BRSK1: variants seen among roughly 807,000 people sequenced by gnomAD.
BRSK1 encodes the protein BR serine/threonine kinase 1.
A neutral mutation model predicts 86.2 loss-of-function variants in BRSK1; 17 were observed. The observed-to-expected ratio is 0.20, with a 90% CI of 0.14 to 0.30. The LOEUF (loss-of-function observed/expected upper bound fraction) is 0.30, where lower values mean the gene tolerates loss of function less well. Ranked by LOEUF, BRSK1 falls within the 10% of genes least tolerant of loss-of-function variation. The probability of loss-of-function intolerance (pLI) is 1.00; values close to 1 mark genes in which losing one functional copy is unlikely to be tolerated. For missense variants in BRSK1, 719 were observed against 1,071.9 expected, an observed-to-expected ratio of 0.67 and a Z score of 4.60; for synonymous variants, 464 against 440.1, an observed-to-expected ratio of 1.05 and a Z score of -0.68.
At chr19:55,308,537 G>T (rs1257749927) in intron 17 of BRSK1, 102 bp from the exon 18 acceptor site, 10 of 792,944 alleles carry the variant, frequency 1.3e-5, no homozygotes, top group Non-Finnish European at 1.8e-5. Context: ...GATGCAGGGG[G>T]GGTGTTGTGT....
At chr19:55,311,369 C>G (rs1226029087) in intron 18 of BRSK1, among the ~76,000 whole-genome samples, 2 of 152,158 alleles carry the variant, frequency 1.3e-5, no homozygotes, top group Admixed American at 1.3e-4. Context: ...AGTGTTTCCA[C>G]CTCAGTCCCC....
intron 7 of BRSK1, among the ~76,000 whole-genome samples, chr19:55,296,643 G>A (rs1279764332): frequency 2.6e-5 from 4 of 152,130 alleles, no homozygotes; most frequent in Non-Finnish European, 2.9e-5. Flanking sequence ...TCAGGAAATC[G>A]AGACCGTCCT....
Position 55,302,139 on chromosome 19 carries a change from G to T in BRSK1, c.828G>T (p.Leu276=). Reference sequence around the variant, plus strand: ...TCTACGACTCACCACCCTCACAGCTGGAGCAAATTCAGAAACATCCTTGGT... The same window carrying T: ...TCTACGACTCACCACCCTCACAGCTTGAGCAAATTCAGAAACATCCTTGGT... The part of the protein sequence containing the change: ...IEVEPEKRLS[L]EQIQKHPWYL... Residue 276 remains leucine (L), a splice_region_variant and synonymous_variant, in exon 9 of 19, where the codon CTG becomes CTT. Coordinates refer to ENST00000309383, the MANE Select transcript of BRSK1 (RefSeq NM_032430.2). This position sits in a 1 kb window ranked among gnomAD's most constrained non-coding sequence, Gnocchi z 6.3. 1 of 1,614,170 alleles carries T rather than the reference G, an allele frequency of 6.2e-7. No homozygotes were observed.
chr19:55,288,846 A>G (rs539960081), intron 3 of BRSK1, among the ~76,000 whole-genome samples: 1 of 152,052 alleles, frequency 6.6e-6, no homozygotes, highest in African/African-American at 2.4e-5. Flanking sequence ...CGGCCTCCCA[A>G]AGTGCTGGGA....
chr19:55,305,288 T>G (rs1206335348), intron 14 of BRSK1, 33 bp from the exon 15 acceptor site: 1 of 1,612,734 alleles, frequency 6.2e-7, no homozygotes, highest in Non-Finnish European at 8.5e-7. Context: ...GATGCACAGG[T>G]GTTGACCACG....
rs531758783 is a variant in BRSK1, at chr19:55,302,950, G to A, written c.1028+83G>A. 4.6e-3 allele frequency: 7,022 copies of A among 1,515,870 alleles called. 22 individuals are homozygous for A. The highest frequency in any genetic ancestry group is 5.7e-3 in the Non-Finnish European group (6,413 of 1,124,348). The allele number at this position is 1,515,870 out of a possible 1,614,324, so 93.9% of individuals were successfully genotyped here. On this transcript the variant is annotated intron_variant, in intron 10 of 18. Coordinates refer to ENST00000309383, the MANE Select transcript of BRSK1 (RefSeq NM_032430.2). This position sits in a 1 kb window ranked among gnomAD's most constrained non-coding sequence, Gnocchi z 6.3. The stretch of plus-strand genomic sequence containing the variant: ...CCTGCGCACATGCAGAGTGCTGGGC[G>A]AGGAACCCTGGCCTCTCATGGGGCA...
chr19:55,307,373 A>G (rs2088667877), intron 17 of BRSK1, among the ~76,000 whole-genome samples: 1 of 151,936 alleles, frequency 6.6e-6, no homozygotes, highest in African/African-American at 2.4e-5. Flanking sequence ...AACATGGTGA[A>G]ACCTGTCTCT....
At position 55,306,113 on chromosome 19, in the gene BRSK1, G is replaced by A. The variant is rs1232528224; in HGVS notation, c.1891-139G>A. On this transcript the variant is annotated intron_variant, in intron 16 of 18. Transcript: ENST00000309383. The surrounding 1 kb of genome is among the most constrained non-coding windows in gnomAD (Gnocchi z 4.7). ...AGAAAGCTACAAGTCCTTGCAGGCAGTGGGGCCTCCCAATGCATTTCCTGT... is the reference window on the plus strand; with the variant it reads ...AGAAAGCTACAAGTCCTTGCAGGCAATGGGGCCTCCCAATGCATTTCCTGT... 2 of 786,126 alleles carry A rather than the reference G, an allele frequency of 2.5e-6. No individual in the cohort carries two copies. Among genetic ancestry groups the A allele is most frequent in the African/African-American group, 1.7e-5 (1 of 57,892 alleles). 48.7% of individuals were successfully genotyped at this position (786,126 alleles called of 1,614,324 possible).
chr19:55,312,095 C>G lies in BRSK1; in HGVS notation c.*27C>G. 2.9e-6 allele frequency: 3 copies of G among 1,039,062 alleles called. No individual in the cohort carries two copies. The highest frequency in any genetic ancestry group is 4.0e-6 in the Non-Finnish European group (3 of 741,184). The allele number at this position is 1,039,062 out of a possible 1,614,324, so 64.4% of individuals were successfully genotyped here. A position where few individuals can be genotyped will look rare whatever the true frequency, so the allele number is the denominator to read the frequency against. Reference sequence around the variant, plus strand: ...CCCACGGGGCCGGGGAGGGAGGGGACCCCCCTCCACCCCCCTTCCGTGCCC... The same window carrying G: ...CCCACGGGGCCGGGGAGGGAGGGGAGCCCCCTCCACCCCCCTTCCGTGCCC... On this transcript the variant is annotated 3_prime_UTR_variant, in exon 19 of 19. Transcript: ENST00000309383.
At chr19:55,309,560 G>A (rs2088734581) in intron 18 of BRSK1, among the ~76,000 whole-genome samples, 2 of 152,212 alleles carry the variant, frequency 1.3e-5, no homozygotes, top group Non-Finnish European at 2.9e-5. Context: ...ACAGCACGTT[G>A]GTGCTGTGTC....
At position 55,302,064 on chromosome 19, in the gene BRSK1, CCA is replaced by C; in HGVS notation, c.826-72_826-71del. ...GATGATCAGGGACCCCAAAACCACC[CCA>C]GTCTTTCATTGCGCGCCTACATGTG... On this transcript the variant is annotated intron_variant, in intron 8 of 18. Coordinates refer to ENST00000309383, the MANE Select transcript of BRSK1 (RefSeq NM_032430.2). This position sits in a 1 kb window ranked among gnomAD's most constrained non-coding sequence, Gnocchi z 6.3. 3.8e-6 allele frequency: 6 copies of C among 1,567,818 alleles called. No homozygotes were observed. Among genetic ancestry groups the C allele is most frequent in the East Asian group, 2.2e-5 (1 of 44,630 alleles).
Position 55,302,919 on chromosome 19 carries a change from C to A in BRSK1, c.1028+52C>A. 1 of 1,579,072 alleles carries A rather than the reference C, an allele frequency of 6.3e-7. No individual in the cohort carries two copies. The highest frequency in any genetic ancestry group is 8.6e-7 in the Non-Finnish European group (1 of 1,157,292). On this transcript the variant is annotated intron_variant, in intron 10 of 18. Coordinates refer to ENST00000309383, the MANE Select transcript of BRSK1 (RefSeq NM_032430.2). The surrounding 1 kb of genome is among the most constrained non-coding windows in gnomAD (Gnocchi z 6.3). Reference sequence around the variant, plus strand: ...TGTACCCACGTGGGGCGAGCTGCAGCAGCTCCCTGCGCACATGCAGAGTGC... The same window carrying A: ...TGTACCCACGTGGGGCGAGCTGCAGAAGCTCCCTGCGCACATGCAGAGTGC...
At chr19:55,308,894 G>A (rs2123002014) in intron 18 of BRSK1, among the ~76,000 whole-genome samples, 166 bp downstream of exon 18, 1 of 152,088 alleles carries the variant, frequency 6.6e-6, no homozygotes, top group South Asian at 2.1e-4. Context: ...TTGGTTTGCA[G>A]AGGACGCCCA....
intron 17 of BRSK1, among the ~76,000 whole-genome samples, chr19:55,307,065 T>C (rs1019701576): frequency 6.6e-6 from 1 of 152,226 alleles, no homozygotes; most frequent in Admixed American, 6.5e-5. Context: ...CTTCCAGTTC[T>C]GCTTTCTGTT....
In BRSK1 at chr19:55,304,799, G is replaced by A. The variant is rs776591353; in HGVS notation, c.1596G>A (p.Pro532=). 8 of 1,569,888 alleles carry A rather than the reference G, an allele frequency of 5.1e-6. No individual in the cohort carries two copies. The highest frequency in any genetic ancestry group is 6.9e-6 in the Non-Finnish European group (8 of 1,161,862). The part of the protein sequence containing the change: ...HTPRASPTGT[P]GTTPPPSPGG... The stretch of plus-strand genomic sequence containing the variant: ...CCCGGGCCAGTCCCACCGGGACCCC[G>A]GGGACAACACCACCCCCCAGCCCCG... Residue 532 remains proline (P), a synonymous_variant, in exon 14 of 19, where the codon CCG becomes CCA. Coordinates refer to ENST00000309383, the MANE Select transcript of BRSK1 (RefSeq NM_032430.2). The surrounding 1 kb of genome is among the most constrained non-coding windows in gnomAD (Gnocchi z 5.2).
In BRSK1 at chr19:55,284,305, C is replaced by T; in HGVS notation, c.-138C>T. ...CGCCGACTGGGGGGGGCCAGCCCAGCCCCCTGGGGACCCCCGGAGAGGTGG... is the reference window on the plus strand; with the variant it reads ...CGCCGACTGGGGGGGGCCAGCCCAGTCCCCTGGGGACCCCCGGAGAGGTGG... On this transcript the variant is annotated 5_prime_UTR_variant, in exon 1 of 19. Transcript: ENST00000309383. 4.2e-6 allele frequency: 3 copies of T among 713,154 alleles called. No homozygotes were observed. The highest frequency in any genetic ancestry group is 5.8e-6 in the Non-Finnish European group (3 of 516,098). The allele number at this position is 713,154 out of a possible 1,614,324, so 44.2% of individuals were successfully genotyped here. A position where few individuals can be genotyped will look rare whatever the true frequency, so the allele number is the denominator to read the frequency against.
intron 17 of BRSK1, 38 bp from the exon 18 acceptor site, chr19:55,308,601 C>T: frequency 6.5e-7 from 1 of 1,544,562 alleles, no homozygotes; most frequent in Non-Finnish European, 8.9e-7. Context: ...CGGTCCTGGA[C>T]CCCCAGTCAG....
chr19:55,298,170 G>T (rs1168576043), intron 7 of BRSK1, among the ~76,000 whole-genome samples: 7 of 138,496 alleles, frequency 5.1e-5, no homozygotes, highest in Non-Finnish European at 1.1e-4. Context: ...AATGCTTGAT[G>T]ATTATTATTA....
chr19:55,301,706 G>A (rs1373651435), intron 8 of BRSK1, 48 bp downstream of exon 8: 1 of 1,587,708 alleles, frequency 6.3e-7, no homozygotes, highest in South Asian at 1.1e-5. Context: ...GGCCGATGAA[G>A]ACAGAACCCC....
Sources: gnomAD v4.1 joint callset for allele counts (sites outside exome capture counted in the v4.1 genomes callset) on GRCh38, gnomAD v4.1.1 for gene constraint, Gnocchi (gnomAD v3.1) non-coding constraint, MANE v1.5 for transcripts, NCBI Gene and HGNC (gene_info 2026-07-23, HGNC 2026-07-21) for gene names.